RANBP17: variants seen among roughly 807,000 people sequenced by gnomAD.
The protein encoded by RANBP17 is RAN binding protein 17.
Under a neutral mutation model 141.2 loss-of-function variants are expected in RANBP17, and 158 were observed. The ratio of observed to expected loss-of-function variants is 1.12; its 90% CI spans 0.98 to 1.28. RANBP17 has a LOEUF of 1.28. Ranked by LOEUF, RANBP17 falls within the 50% of genes most tolerant of loss-of-function variation. RANBP17 has a pLI of 0.00. For missense variants in RANBP17, 1,438 were observed against 1,290.7 expected (o/e 1.11, Z -1.75); for synonymous variants, 430 against 450.0 (o/e 0.96, Z 0.56).
At position 171,299,384 on chromosome 5, in the gene RANBP17, C is replaced by T; in HGVS notation, c.*526C>T. On this transcript the variant is annotated 3_prime_UTR_variant, in exon 28 of 28. Coordinates refer to ENST00000523189, the MANE Select transcript of RANBP17 (RefSeq NM_022897.5). ...AGCACTACAGAGCATCCCACAGGAC[C>T]ACACGCAGGCCTCCCTGCCTCAGCT... 1 of 232,264 alleles carries T rather than the reference C, an allele frequency of 4.3e-6. No homozygotes were observed. The highest frequency in any genetic ancestry group is 8.5e-6 in the Non-Finnish European group (1 of 117,230). The allele number at this position is 232,264 out of a possible 1,614,324, so 14.4% of individuals were successfully genotyped here.
chr5:170,931,462 T>A (rs1773374012), intron 12 of RANBP17, among the ~76,000 whole-genome samples: 1 of 152,246 alleles, frequency 6.6e-6, no homozygotes, highest in South Asian at 2.1e-4. Flanking sequence ...TTTTGGTGTT[T>A]TAGAAATGAA....
At chr5:171,151,620 G>A (rs2127833266) in intron 14 of RANBP17, among the ~76,000 whole-genome samples, 1 of 152,246 alleles carries the variant, frequency 6.6e-6, no homozygotes, top group East Asian at 1.9e-4. Context: ...GAGGTTAATG[G>A]TCATTGGTGG....
intron 20 of RANBP17, among the ~76,000 whole-genome samples, chr5:171,212,911 C>T (rs1266527478): frequency 1.3e-5 from 2 of 152,096 alleles, no homozygotes; most frequent in African/African-American, 4.8e-5. Flanking sequence ...TGGCCTTCAG[C>T]ATAGATTTAT....
chr5:171,171,976 G>C (rs1005258995), intron 16 of RANBP17, among the ~76,000 whole-genome samples: 1 of 151,904 alleles, frequency 6.6e-6, no homozygotes, highest in Admixed American at 6.6e-5. Flanking sequence ...AACAACTAGA[G>C]AGAATCATGT....
At chr5:170,878,913 A>T (rs575201642) in intron 2 of RANBP17, among the ~76,000 whole-genome samples, 1 of 152,328 alleles carries the variant, frequency 6.6e-6, no homozygotes, top group African/African-American at 2.4e-5. Context: ...GATATTTTGT[A>T]AGAACATCTA....
rs977360790 is a variant in RANBP17, at chr5:171,252,037, A to T, written c.2776+9217A>T. On this transcript the variant is annotated intron_variant, in intron 24 of 27. Transcript: ENST00000523189. ...TCTTGCATAGAAGAGTCAACCTAGG[A>T]AAAAGGAGAGCCTTCTTACATGCTT... The T allele has an allele frequency of 4.4e-6, 7 of 1,605,882 alleles. No homozygotes were observed. In the African/African-American group the frequency reaches 9.4e-5, roughly 21 times the overall value.
At chr5:171,165,829 T>G (rs1759656206) in intron 14 of RANBP17, among the ~76,000 whole-genome samples, 3 of 152,196 alleles carry the variant, frequency 2.0e-5, no homozygotes, top group Non-Finnish European at 4.4e-5. Context: ...AGACTCTTCT[T>G]ACTGAATTTA....
At chr5:170,991,273 G>A (rs528822183) in intron 14 of RANBP17, among the ~76,000 whole-genome samples, 51 of 151,956 alleles carry the variant, frequency 3.4e-4, no homozygotes, top group Middle Eastern at 3.4e-3. Context: ...TTTTCAGATT[G>A]TACCAAATGC....
intron 16 of RANBP17, among the ~76,000 whole-genome samples, chr5:171,182,574 A>T (rs546347098): frequency 6.6e-6 from 1 of 152,358 alleles, no homozygotes; most frequent in East Asian, 1.9e-4. Flanking sequence ...AATACTTAAC[A>T]GTGTAATTGT....
intron 18 of RANBP17, among the ~76,000 whole-genome samples, chr5:171,196,325 C>T (rs903953385): frequency 1.3e-5 from 2 of 152,216 alleles, no homozygotes; most frequent in African/African-American, 4.8e-5. Flanking sequence ...GGTGGCTTGT[C>T]TCTTGTGCTC....
At chr5:171,111,564 T>C in intron 14 of RANBP17, among the ~76,000 whole-genome samples, 1 of 152,160 alleles carries the variant, frequency 6.6e-6, no homozygotes, top group East Asian at 1.9e-4. Flanking sequence ...GAGCCCCATT[T>C]CTTTCAAAGT....
At chr5:171,074,264 T>G (rs1225244375) in intron 14 of RANBP17, among the ~76,000 whole-genome samples, 1 of 152,032 alleles carries the variant, frequency 6.6e-6, no homozygotes. Flanking sequence ...TTGAAGGAAA[T>G]TTTACAAAAT....
intron 14 of RANBP17, among the ~76,000 whole-genome samples, chr5:171,035,480 T>C (rs1781812073): frequency 6.6e-6 from 1 of 151,982 alleles, no homozygotes; most frequent in Non-Finnish European, 1.5e-5. Context: ...TTTTTAAGTA[T>C]TTAAATATGC....
chr5:171,256,542 A>G (rs1765907279), intron 24 of RANBP17, among the ~76,000 whole-genome samples: 1 of 152,192 alleles, frequency 6.6e-6, no homozygotes, highest in African/African-American at 2.4e-5. Flanking sequence ...CAAAATTAGC[A>G]GTAGAAAAGA....
At chr5:171,000,648 G>A (rs1021822296) in intron 14 of RANBP17, among the ~76,000 whole-genome samples, 5 of 152,182 alleles carry the variant, frequency 3.3e-5, no homozygotes, top group Non-Finnish European at 7.4e-5. Context: ...TATTTCATCT[G>A]GGTGCAGGCG....
At chr5:170,910,750 T>C in intron 6 of RANBP17, 1 of 485,448 alleles carries the variant, frequency 2.1e-6, no homozygotes, top group Admixed American at 3.6e-5. Flanking sequence ...ACATTCAGAG[T>C]TCTGATTGCC....
At position 170,914,206 on chromosome 5, in the gene RANBP17, T is replaced by G; in HGVS notation, c.800T>G (p.Leu267Trp). 1 of 1,610,588 alleles carries G rather than the reference T, an allele frequency of 6.2e-7. No homozygotes were observed. The highest frequency in any genetic ancestry group is 1.1e-5 in the South Asian group (1 of 90,976). ...GAAACATTGGATCTTTTCTTCAATT[T>G]GTATCATTCACTTCCACCACTACTA... ...EPETLDLFFN[L>W]YHSLPPLLSQ... The change falls in exon 8 of 28, where the codon TTG (leucine) becomes TGG (tryptophan). Residue 267 changes from leucine to tryptophan, a missense_variant. Coordinates refer to ENST00000523189, the MANE Select transcript of RANBP17 (RefSeq NM_022897.5).
At position 171,246,565 on chromosome 5, in the gene RANBP17, A is replaced by G. The variant is rs1351703140; in HGVS notation, c.2776+3745A>G. ...CATAGCAGTTAATTCTTCATGGAAT[A>G]AGAAGAAATTCTGTCTTCTATTATT... is the stretch of plus-strand genomic sequence containing the variant. On this transcript the variant is annotated intron_variant, in intron 24 of 27. Coordinates refer to ENST00000523189, the MANE Select transcript of RANBP17 (RefSeq NM_022897.5). Among the ~76,000 whole-genome samples the G allele has an allele frequency of 2.0e-5, 3 of 152,246 alleles. No homozygotes were observed. The East Asian group carries it at 5.8e-4, about 29-fold the overall frequency.
chr5:170,978,426 C>T (rs1777538307), intron 14 of RANBP17, among the ~76,000 whole-genome samples: 2 of 151,966 alleles, frequency 1.3e-5, no homozygotes, highest in South Asian at 4.1e-4. Flanking sequence ...TTATAATATC[C>T]AAGAACTGGG....
Sources: gnomAD v4.1 joint callset for allele counts (sites outside exome capture counted in the v4.1 genomes callset) on GRCh38, gnomAD v4.1.1 for gene constraint, MANE v1.5 for transcripts, NCBI Gene and HGNC (gene_info 2026-07-23, HGNC 2026-07-21) for gene names.